The following CLSPN variants were observed in gnomAD, a reference collection of about 807,000 sequenced individuals.
CLSPN encodes the protein claspin.
CLSPN carries 85 observed loss-of-function variants against 156.3 expected under a neutral mutation model. The observed-to-expected ratio is 0.54, with a 90% CI of 0.46 to 0.65. The LOEUF (loss-of-function observed/expected upper bound fraction) is 0.65. Ranked by LOEUF, CLSPN falls within the 30% of genes least tolerant of loss-of-function variation. The pLI is 0.00. For synonymous variants in CLSPN, 534 were observed against 542.4 expected, an observed-to-expected ratio of 0.98 and a Z score of 0.22; for missense variants, 1,407 against 1,554.9, an observed-to-expected ratio of 0.90 and a Z score of 1.60.
intron 16 of CLSPN, 109 bp from the exon 17 acceptor site, chr1:35,743,639 T>C: frequency 1.3e-6 from 1 of 760,776 alleles, no homozygotes; most frequent in Non-Finnish European, 2.2e-6. Flanking sequence ...TTTTTTTTTT[T>C]CTCTGAGACA....
At position 35,760,664 on chromosome 1, in the gene CLSPN, T is replaced by C. The variant is rs756318947; in HGVS notation, c.1257A>G (p.Arg419=). 93 of 1,614,078 alleles carry C rather than the reference T, an allele frequency of 5.8e-5. No homozygotes were observed. Among genetic ancestry groups the C allele is most frequent in the Middle Eastern group, 3.3e-4 (2 of 6,084 alleles). ...ACACTGAGCTGTCCCCAGGTGAAGGTCTAATGTCACTCTGCTTCTGTTTCT... is the reference window on the plus strand; with the variant it reads ...ACACTGAGCTGTCCCCAGGTGAAGGCCTAATGTCACTCTGCTTCTGTTTCT... ...IQEKQKQSDI[R]PSPGDSSVLQ... The change falls in exon 8 of 25, where the codon AGA becomes AGG. Residue 419 remains arginine, a synonymous_variant. Coordinates refer to ENST00000318121, the MANE Select transcript of CLSPN (RefSeq NM_022111.4).
At chr1:35,730,677 G>A (rs191885402), downstream of CLSPN, among the ~76,000 whole-genome samples, 1 of 149,448 alleles carries the variant, frequency 6.7e-6, no homozygotes, top group Admixed American at 6.7e-5. Flanking sequence ...TTAGGCTTAA[G>A]CTAACACCTT....
intron 8 of CLSPN, among the ~76,000 whole-genome samples, chr1:35,757,015 C>G (rs1000425210): frequency 6.6e-6 from 1 of 152,154 alleles, no homozygotes; most frequent in Non-Finnish European, 1.5e-5. Context: ...TCACTTCAGC[C>G]AGGGAGATCA....
At chr1:35,754,508 C>T (rs1323990704) in intron 8 of CLSPN, among the ~76,000 whole-genome samples, 2 of 152,108 alleles carry the variant, frequency 1.3e-5, no homozygotes, top group East Asian at 1.9e-4. Context: ...CCATGCCCAG[C>T]TAATTTTTTT....
At chr1:35,744,051 AGTGTT>A (rs1230303232) in intron 16 of CLSPN, among the ~76,000 whole-genome samples, 1 of 152,214 alleles carries the variant, frequency 6.6e-6, no homozygotes, top group Non-Finnish European at 1.5e-5. Context: ...ATAGTTCTGT[AGTGTT>A]AAGTACATTC....
In CLSPN at chr1:35,746,784, C is replaced by T. The variant is rs769767464; in HGVS notation, c.2836G>A (p.Gly946Arg). Residue 946 changes from glycine to arginine, a missense_variant, in exon 15 of 25, where the codon GGA becomes AGA. Gly to Arg is a moderately radical substitution (Grantham distance 125, BLOSUM62 -2). This residue lies in a region of CLSPN where 1,096 missense variants were observed against 1,193.0 expected (regional missense o/e 0.92). Transcript: ENST00000318121. The surrounding 1 kb of genome is among the most constrained non-coding windows in gnomAD (Gnocchi z 4.2). ...NMEELLNLCS[G>R]KFTSQDASTP... is the part of the protein sequence containing the mutation. ...TATTTACCCTGAGAAGTGAATTTTC[C>T]TGAACAAAGGTTCAGAAGTTCCTCC... 1 of 1,612,134 alleles carries T rather than the reference C, an allele frequency of 6.2e-7. No individual in the cohort carries two copies. The highest frequency in any genetic ancestry group is 1.3e-5 in the African/African-American group (1 of 74,858).
intron 24 of CLSPN, among the ~76,000 whole-genome samples, chr1:35,723,189 G>C (rs1641113321): frequency 6.6e-6 from 1 of 152,218 alleles, no homozygotes; most frequent in Non-Finnish European, 1.5e-5. Context: ...CCAAGTGAAA[G>C]GGTATCTGTG....
rs769337106 is a variant in CLSPN at position 35,748,522 on chromosome 1, G to A, written c.2355C>T (p.Ser785=). The A allele has an allele frequency of 1.7e-5, 27 of 1,614,034 alleles. No individual in the cohort carries two copies. Among genetic ancestry groups the A allele is most frequent in the South Asian group, 6.6e-5 (6 of 91,082 alleles). Residue 785 remains serine, a synonymous_variant, in exon 13 of 25, where the codon TCC becomes TCT. Transcript: ENST00000318121. ...CTGTTTGTCTGTTGCAAGGCTGATA[G>A]GATGGAATCGTGGAGCCAATCAGCT... ...SFELIGSTIP[S]YQPCNRQTGR...
chr1:35,743,175 GTTC>G lies in CLSPN; in HGVS notation c.3106_3108del (p.Glu1036del), dbSNP rs761620094. Reference sequence around the variant, plus strand: ...TTCAACTTCTCAGATCGCTTCAGGAGTTCTTCTTCATCATCATCTTCATGGTCT... The same window carrying G: ...TTCAACTTCTCAGATCGCTTCAGGAGTTCTTCATCATCATCTTCATGGTCT... On this transcript the variant is annotated inframe_deletion, in exon 18 of 25. Coordinates refer to ENST00000318121, the MANE Select transcript of CLSPN (RefSeq NM_022111.4). The G allele has an allele frequency of 9.9e-5, 159 of 1,614,006 alleles. 4 individuals carry two copies. The highest frequency in any genetic ancestry group is 8.0e-4 in the South Asian group (73 of 91,074).
chr1:35,769,851 G>A lies in CLSPN; in HGVS notation c.20C>T (p.Ser7Phe), dbSNP rs151142512. ...GGGGCGTGTGCATAAACTCACCTCA[G>A]AACCCACCTCGCCTGTCATGACTTC... MTGEVGSEVHLEINDPN... is the reference protein window; with the variant it reads MTGEVGFEVHLEINDPN... Residue 7 changes from serine (S) to phenylalanine (F), a missense_variant, in exon 1 of 25, where the codon TCT becomes TTT. Ser to Phe is a radical substitution (Grantham distance 155). Around this residue, in one of 3 missense-constraint regions of CLSPN, gnomAD observed 1,096 missense variants for 1,193.0 expected, o/e 0.92. Coordinates refer to ENST00000318121, the MANE Select transcript of CLSPN (RefSeq NM_022111.4). 1.9e-3 allele frequency: 2,982 copies of A among 1,607,428 alleles called. 39 individuals are homozygous for A. In the South Asian group the frequency reaches 0.023, roughly 12 times the overall value.
At position 35,741,692 on chromosome 1, in the gene CLSPN, C is replaced by T. The variant is rs753550313; in HGVS notation, c.3143+1449G>A. Among the ~76,000 whole-genome samples, 4 of 151,884 alleles carry T rather than the reference C, an allele frequency of 2.6e-5. No individual in the cohort carries two copies. The South Asian group carries it at 6.2e-4, about 24-fold the overall frequency. ...AGCATATCAAAAAAATGAGTTGGGC[C>T]GGCCAGGTGGGGTGGCTCACGCCTG... On this transcript the variant is annotated intron_variant, in intron 18 of 24. Coordinates refer to ENST00000318121, the MANE Select transcript of CLSPN (RefSeq NM_022111.4).
chr1:35,723,952 C>T (rs1038846980), intron 24 of CLSPN, among the ~76,000 whole-genome samples: 12 of 152,158 alleles, frequency 7.9e-5, no homozygotes, highest in Non-Finnish European at 1.5e-4. Context: ...GATCACACCA[C>T]GGCACTCTAG....
At position 35,760,900 on chromosome 1, in the gene CLSPN, A is replaced by T; in HGVS notation, c.1021T>A (p.Ser341Thr). The part of the protein sequence containing the change: ...MALLKSSKYQ[S>T]SHHKEIIDTA... ...TCTATGATTTCTTTGTGATGGCTTGACTGATATTTAGATGACCTAGAGAAG... is the reference window on the plus strand; with the variant it reads ...TCTATGATTTCTTTGTGATGGCTTGTCTGATATTTAGATGACCTAGAGAAG... Residue 341 changes from serine to threonine, a missense_variant, in exon 8 of 25, where the codon TCA becomes ACA. Ser to Thr is a moderately conservative substitution (Grantham distance 58, BLOSUM62 1). Around this residue, in one of 3 missense-constraint regions of CLSPN, gnomAD observed 1,096 missense variants for 1,193.0 expected, o/e 0.92. Transcript: ENST00000318121. The T allele has an allele frequency of 6.2e-7, 1 of 1,610,134 alleles. No individual in the cohort carries two copies. The highest frequency in any genetic ancestry group is 1.1e-5 in the South Asian group (1 of 90,680).
At chr1:35,724,434 T>C (rs1641135679) in intron 24 of CLSPN, among the ~76,000 whole-genome samples, 1 of 152,048 alleles carries the variant, frequency 6.6e-6, no homozygotes, top group African/African-American at 2.4e-5. Flanking sequence ...GTGAAAGTTC[T>C]TGACACCATC....
chr1:35,751,126 AC>A, intron 10 of CLSPN, 123 bp downstream of exon 10: 2 of 1,144,038 alleles, frequency 1.7e-6, no homozygotes, highest in East Asian at 2.3e-5. Context: ...TGAGGTAGTT[AC>A]CCTCATCATG....
At position 35,760,474 on chromosome 1, in the gene CLSPN, C is replaced by T. The variant is rs747192388; in HGVS notation, c.1447G>A (p.Val483Ile). 1 of 1,614,194 alleles carries T rather than the reference C, an allele frequency of 6.2e-7. No individual in the cohort carries two copies. ...CGTCTCACTTTTTCAGGTGGCCCAA[C>T]TGCTGATGATTTATTTTGCTGCTCA... ...EPEQQNKSSA[V>I]GPPEKVRRFT... The change falls in exon 8 of 25, where the codon GTT becomes ATT. Residue 483 changes from valine (V) to isoleucine (I), a missense_variant. Val to Ile is a conservative substitution (Grantham distance 29). Transcript: ENST00000318121.
At chr1:35,761,683 T>C (rs1237161887) in intron 6 of CLSPN, among the ~76,000 whole-genome samples, 1 of 152,148 alleles carries the variant, frequency 6.6e-6, no homozygotes, top group Non-Finnish European at 1.5e-5. Flanking sequence ...CCATGGACCA[T>C]GGCTGACACA....
At chr1:35,755,933 G>A (rs1642258988) in intron 8 of CLSPN, among the ~76,000 whole-genome samples, 1 of 152,036 alleles carries the variant, frequency 6.6e-6, no homozygotes, top group South Asian at 2.1e-4. Context: ...TCAAACACCT[G>A]GCCTCAAAGC....
downstream of CLSPN, among the ~76,000 whole-genome samples, chr1:35,728,748 A>C (rs371130665): frequency 1.3e-5 from 2 of 152,222 alleles, no homozygotes; most frequent in East Asian, 3.9e-4. Context: ...GATGGGTTCT[A>C]ATCCTTGGTC....
Sources: allele counts gnomAD v4.1 joint callset (sites outside exome capture counted in the v4.1 genomes callset), GRCh38; gene constraint gnomAD v4.1.1; regional missense constraint gnomAD v4.1.1; non-coding constraint Gnocchi (gnomAD v3.1); transcripts MANE v1.5; gene names NCBI Gene and HGNC (gene_info 2026-07-23, HGNC 2026-07-21).